Variants in YARS1 observed in about 807,000 individuals in gnomAD.
YARS1 encodes the protein tyrosyl-tRNA synthetase 1, also known as tyrosine--tRNA ligase, cytoplasmic.
YARS1 carries 36 observed loss-of-function variants against 62.2 expected under a neutral mutation model. The observed-to-expected ratio is 0.58, with a 90% CI of 0.44 to 0.76. YARS1 has a LOEUF of 0.76. Ranked by LOEUF, YARS1 falls within the 30% of genes least tolerant of loss-of-function variation. The pLI is 0.00. For missense variants in YARS1, 524 were observed against 639.8 expected, an observed-to-expected ratio of 0.82 and a Z score of 1.95; for synonymous variants, 234 against 244.9, an observed-to-expected ratio of 0.96 and a Z score of 0.42.
At chr1:32,813,209 T>C (rs536110765) in intron 1 of YARS1, among the ~76,000 whole-genome samples, 3 of 152,330 alleles carry the variant, frequency 2.0e-5, no homozygotes, top group Admixed American at 2.0e-4. Flanking sequence ...AACGAAGCTG[T>C]AACCCAACCA....
chr1:32,781,568 A>T (rs557944591), intron 9 of YARS1: 1 of 175,840 alleles, frequency 5.7e-6, no homozygotes, highest in African/African-American at 2.4e-5. Flanking sequence ...GAAAAAAAAA[A>T]AAAAAATTTT....
At chr1:32,793,918 TGCA>T (rs1653490821) in intron 5 of YARS1, among the ~76,000 whole-genome samples, 1 of 152,190 alleles carries the variant, frequency 6.6e-6, no homozygotes, top group Non-Finnish European at 1.5e-5. Context: ...CTGAAAGAAC[TGCA>T]CTACAAACAC....
chr1:32,777,852 T>C (rs922063050), intron 12 of YARS1, among the ~76,000 whole-genome samples: 3 of 152,024 alleles, frequency 2.0e-5, no homozygotes, highest in Admixed American at 6.6e-5. Flanking sequence ...GTATTATCAC[T>C]CCAAGCATAG....
chr1:32,815,204 C>G (rs959684143), intron 1 of YARS1, among the ~76,000 whole-genome samples: 1 of 152,054 alleles, frequency 6.6e-6, no homozygotes, highest in Non-Finnish European at 1.5e-5. Flanking sequence ...CAAAAATTAG[C>G]CCGGCGTGGT....
intron 4 of YARS1, among the ~76,000 whole-genome samples, chr1:32,804,047 G>C (rs1638377245): frequency 6.6e-6 from 1 of 152,250 alleles, no homozygotes. Flanking sequence ...CAGAGAGCAC[G>C]GGGTTGGGGG....
chr1:32,785,978 A>G (rs1345667146), intron 8 of YARS1, among the ~76,000 whole-genome samples: 1 of 151,548 alleles, frequency 6.6e-6, no homozygotes, highest in Non-Finnish European at 1.5e-5. Flanking sequence ...TTGAAGAAGT[A>G]TGGTTTCTAC....
intron 11 of YARS1, 158 bp downstream of exon 11, chr1:32,779,927 T>A: frequency 1.2e-6 from 1 of 820,266 alleles, no homozygotes. Context: ...ACAGTACTTG[T>A]ACGATAAGTC....
intron 8 of YARS1, chr1:32,782,752 G>T: frequency 1.6e-6 from 1 of 624,706 alleles, no homozygotes; most frequent in Non-Finnish European, 2.8e-6. Context: ...ATACTAACTT[G>T]AGGGTGTTTA....
rs758807329 is a variant in YARS1, at chr1:32,775,959, AG to A, written c.*21del. The A allele has an allele frequency of 6.3e-7, 1 of 1,588,202 alleles. No individual in the cohort carries two copies. ...CAGCAGATGACTCAGTGGTGGAAGA[AG>A]GGGGGAAGATGCTGGGCTGGCTAGC... On this transcript the variant is annotated 3_prime_UTR_variant, in exon 13 of 13. Coordinates refer to ENST00000373477, the MANE Select transcript of YARS1 (RefSeq NM_003680.4).
chr1:32,797,136 C>A lies in YARS1; in HGVS notation c.591+627G>T, dbSNP rs112443525. Among the ~76,000 whole-genome samples, 437 of 147,758 alleles carry A rather than the reference C, an allele frequency of 3.0e-3. 6 individuals are homozygous for A. The highest frequency in any genetic ancestry group is 0.01 in the African/African-American group (413 of 39,736). ...CCTATAATCCCAGCACTTTGGGAGG[C>A]CAAGGCAGGAAGACTGCTTGAGCCC... On this transcript the variant is annotated intron_variant, in intron 5 of 12. Transcript: ENST00000373477.
intron 6 of YARS1, among the ~76,000 whole-genome samples, chr1:32,789,653 A>G (rs1433523793): frequency 6.6e-6 from 1 of 151,344 alleles, no homozygotes; most frequent in Non-Finnish European, 1.5e-5. Context: ...CAGTGATGCA[A>G]TCTTGACTCA....
chr1:32,795,052 G>A (rs955644328), intron 5 of YARS1, among the ~76,000 whole-genome samples: 3 of 149,074 alleles, frequency 2.0e-5, no homozygotes, highest in Non-Finnish European at 4.4e-5. Flanking sequence ...AGGCGCGGTG[G>A]CTCACGCTTG....
At chr1:32,777,438 CCA>C in intron 12 of YARS1, among the ~76,000 whole-genome samples, 1 of 152,114 alleles carries the variant, frequency 6.6e-6, no homozygotes, top group South Asian at 2.1e-4. Context: ...TGGTGAAACC[CCA>C]TCTCTACTAA....
intron 6 of YARS1, 109 bp downstream of exon 6, chr1:32,791,053 A>G: frequency 9.4e-7 from 1 of 1,059,670 alleles, no homozygotes; most frequent in Non-Finnish European, 1.5e-6. Flanking sequence ...GGCTCCTTCT[A>G]ACTCAAATAT....
intron 4 of YARS1, among the ~76,000 whole-genome samples, chr1:32,802,536 C>A (rs964056534): frequency 6.6e-6 from 1 of 152,098 alleles, no homozygotes; most frequent in Non-Finnish European, 1.5e-5. Flanking sequence ...AAGTTGAAAT[C>A]ACTCCTTGAT....
At position 32,780,216 on chromosome 1, in the gene YARS1, A is replaced by C. The variant is rs1275657462; in HGVS notation, c.1203T>G (p.Thr401=). ...KIDVGEAEPR[T]VVSGLVQFVP... is the part of the protein sequence containing the mutation. ...CGAACTGTACCAGGCCGCTCACCAC[A>C]GTCCGTGGTTCAGCTTCCCCCACGT... is the stretch of plus-strand genomic sequence containing the variant. Residue 401 remains threonine (T), a synonymous_variant, in exon 11 of 13, where the codon ACT becomes ACG. Coordinates refer to ENST00000373477, the MANE Select transcript of YARS1 (RefSeq NM_003680.4). 3 of 1,613,976 alleles carry C rather than the reference A, an allele frequency of 1.9e-6. No homozygotes were observed.
At chr1:32,800,729 A>G (rs1438752648) in intron 4 of YARS1, among the ~76,000 whole-genome samples, 1 of 151,734 alleles carries the variant, frequency 6.6e-6, no homozygotes, top group African/African-American at 2.4e-5. Flanking sequence ...GCCCGTCACC[A>G]CACCTGGCTA....
intron 5 of YARS1, among the ~76,000 whole-genome samples, chr1:32,795,983 A>C (rs1653569298): frequency 6.6e-6 from 1 of 152,022 alleles, no homozygotes; most frequent in South Asian, 2.1e-4. Flanking sequence ...CCAACTAAAA[A>C]GTTAATCAAG....
intron 6 of YARS1, among the ~76,000 whole-genome samples, chr1:32,787,387 A>C (rs1314760330): frequency 6.6e-6 from 1 of 151,994 alleles, no homozygotes; most frequent in Non-Finnish European, 1.5e-5. Context: ...TTGGCCTCCC[A>C]AAAAGTGCTG....
Sources: allele counts gnomAD v4.1 joint callset (sites outside exome capture counted in the v4.1 genomes callset), GRCh38; gene constraint gnomAD v4.1.1; transcripts MANE v1.5; gene names NCBI Gene and HGNC (gene_info 2026-07-23, HGNC 2026-07-21).